GRM5: variants seen among roughly 807,000 people sequenced by gnomAD.
GRM5 encodes metabotropic glutamate receptor 5.
Under a neutral mutation model 83.1 loss-of-function variants are expected in GRM5, and 19 were observed. The ratio of observed to expected loss-of-function variants is 0.23; its 90% CI spans 0.16 to 0.34. The LOEUF (loss-of-function observed/expected upper bound fraction) is 0.34. Ranked by LOEUF, GRM5 falls within the 10% of genes least tolerant of loss-of-function variation. The pLI, the probability that GRM5 is intolerant of heterozygous loss-of-function variation, is 1.00. For missense variants in GRM5, 1,160 were observed against 1,588.3 expected (o/e 0.73, Z 4.58); for synonymous variants, 675 against 633.6 (o/e 1.07, Z -0.98).
intron 8 of GRM5, among the ~76,000 whole-genome samples, chr11:88,564,242 C>T (rs142468876): frequency 2.6e-5 from 4 of 152,268 alleles, no homozygotes; most frequent in Non-Finnish European, 4.4e-5. Context: ...TTTCTCTTTA[C>T]CCTCTTTCAG....
chr11:88,580,567 T>G lies in GRM5; in HGVS notation c.1690+10034A>C, dbSNP rs187068267. On this transcript the variant is annotated intron_variant, in intron 7 of 9. Coordinates refer to ENST00000305447, the MANE Select transcript of GRM5 (RefSeq NM_001143831.3). ...TGATCAGTGAAACTAGAAACCTTTT[T>G]TATCAGGGACAATGATAAGATAGAA... Among the ~76,000 whole-genome samples, 20 of 152,306 alleles carry G rather than the reference T, an allele frequency of 1.3e-4. No individual in the cohort carries two copies. In the East Asian group the frequency reaches 3.9e-3, roughly 29 times the overall value.
intron 9 of GRM5, 53 bp from the exon 10 acceptor site, chr11:88,509,557 G>T: frequency 7.3e-7 from 1 of 1,370,258 alleles, no homozygotes; most frequent in South Asian, 1.2e-5. Flanking sequence ...CAGGGGGCTT[G>T]GATGCCGCTT....
chr11:88,551,449 A>C (rs976775503), intron 8 of GRM5, among the ~76,000 whole-genome samples: 1 of 152,168 alleles, frequency 6.6e-6, no homozygotes, highest in Non-Finnish European at 1.5e-5. Context: ...TAGGTATAAA[A>C]TGTTGCAGAC....
At chr11:88,994,793 T>TG (rs1174939608) in intron 2 of GRM5, among the ~76,000 whole-genome samples, 7 of 151,928 alleles carry the variant, frequency 4.6e-5, no homozygotes, top group African/African-American at 1.7e-4. Context: ...CAAGGACTGG[T>TG]GGGGGTTGAA....
intron 3 of GRM5, among the ~76,000 whole-genome samples, chr11:88,755,059 T>C (rs572149916): frequency 4.6e-5 from 7 of 152,272 alleles, no homozygotes; most frequent in African/African-American, 1.7e-4. Context: ...AAATATTATA[T>C]TGAAGAACAC....
intron 3 of GRM5, among the ~76,000 whole-genome samples, chr11:88,665,270 T>C (rs1368336758): frequency 1.3e-5 from 2 of 151,936 alleles, no homozygotes; most frequent in African/African-American, 2.4e-5. Context: ...ATTAAATTAA[T>C]ATTCTGATAA....
chr11:88,738,775 T>G (rs1372296117), intron 3 of GRM5, among the ~76,000 whole-genome samples: 1 of 152,094 alleles, frequency 6.6e-6, no homozygotes, highest in Non-Finnish European at 1.5e-5. Flanking sequence ...TCATGACATT[T>G]TGTCATTGCT....
chr11:88,895,974 T>C (rs988505581), intron 2 of GRM5, among the ~76,000 whole-genome samples: 1 of 151,944 alleles, frequency 6.6e-6, no homozygotes, highest in Admixed American at 6.6e-5. Context: ...TTGAGAAAAG[T>C]AACATTAGGA....
At chr11:88,524,143 T>C (rs898646548) in intron 9 of GRM5, 1 of 151,784 alleles carries the variant, frequency 6.6e-6, no homozygotes, top group African/African-American at 2.4e-5. Flanking sequence ...AACTGTTTAA[T>C]GTCAATCTTG....
chr11:88,978,434 AC>A, intron 2 of GRM5, among the ~76,000 whole-genome samples: 1 of 142,300 alleles, frequency 7.0e-6, no homozygotes, highest in Non-Finnish European at 1.5e-5. Context: ...GTCTTGGACC[AC>A]ACATCAAATA....
In GRM5 at chr11:88,509,272, G is replaced by A; in HGVS notation, c.2959C>T (p.Pro987Ser). ...TGGAGCAGAGPGGPESPDAGP... is the reference protein window; with the variant it reads ...TGGAGCAGAGSGGPESPDAGP... Reference sequence around the variant, plus strand: ...GCGTCTGGGGACTCGGGCCCGCCTGGGCCGGCGCCTGCGCAGCCCGCACCG... The same window carrying A: ...GCGTCTGGGGACTCGGGCCCGCCTGAGCCGGCGCCTGCGCAGCCCGCACCG... The change falls in exon 10 of 10, where the codon CCA becomes TCA. Residue 987 changes from proline (P) to serine (S), a missense_variant. By Grantham distance (74) the Pro-to-Ser change is moderately conservative (BLOSUM62 -1). Transcript: ENST00000305447. The A allele has an allele frequency of 6.8e-7, 1 of 1,468,320 alleles. No individual in the cohort carries two copies. The highest frequency in any genetic ancestry group is 9.0e-7 in the Non-Finnish European group (1 of 1,114,936). The allele number at this position is 1,468,320 out of a possible 1,614,324, so 91.0% of individuals were successfully genotyped here.
intron 3 of GRM5, among the ~76,000 whole-genome samples, chr11:88,798,505 G>A (rs1465202300): frequency 6.6e-6 from 1 of 152,048 alleles, no homozygotes; most frequent in Non-Finnish European, 1.5e-5. Context: ...GGTCTTAAAT[G>A]AAAAGCTGGT....
intron 3 of GRM5, among the ~76,000 whole-genome samples, chr11:88,767,551 A>C (rs1305185658): frequency 6.6e-6 from 1 of 152,048 alleles, no homozygotes; most frequent in Non-Finnish European, 1.5e-5. Flanking sequence ...GGAGGTCATT[A>C]TCCTAAGCAA....
rs542904305 is a variant in GRM5 at position 88,727,033 on chromosome 11, A to G, written c.912-73630T>C. Among the ~76,000 whole-genome samples the G allele has an allele frequency of 2.0e-5, 3 of 152,350 alleles. No homozygotes were observed. The South Asian group carries it at 6.2e-4, about 32-fold the overall frequency. ...CATAATGACAGGATTAAGTTCACAC[A>G]TAACAATATTAGCCTTAAATGTAAA... On this transcript the variant is annotated intron_variant, in intron 3 of 9. Transcript: ENST00000305447.
At chr11:88,570,395 ATATACC>A (rs1192141587) in intron 7 of GRM5, among the ~76,000 whole-genome samples, 3 of 151,388 alleles carry the variant, frequency 2.0e-5, no homozygotes, top group African/African-American at 7.3e-5. Flanking sequence ...TTGCTAATTA[ATATACC>A]TATATCTGTA....
chr11:88,645,470 C>A (rs1032762846), intron 4 of GRM5, among the ~76,000 whole-genome samples: 1 of 151,974 alleles, frequency 6.6e-6, no homozygotes, highest in South Asian at 2.1e-4. Context: ...AATGAAAGAT[C>A]ACAATTCATG....
intron 8 of GRM5, among the ~76,000 whole-genome samples, chr11:88,566,826 C>T (rs965520652): frequency 1.3e-5 from 2 of 152,074 alleles, no homozygotes; most frequent in Non-Finnish European, 2.9e-5. Flanking sequence ...TGTAACTCTG[C>T]TTTATTAGAG....
intron 2 of GRM5, among the ~76,000 whole-genome samples, chr11:89,003,823 G>A (rs1212743522): frequency 2.6e-5 from 4 of 152,176 alleles, no homozygotes; most frequent in South Asian, 2.1e-4. Context: ...GTTTGATCCA[G>A]CCCTGTTGAG....
At chr11:88,675,762 G>A (rs12421389) in intron 3 of GRM5, among the ~76,000 whole-genome samples, 2,721 of 152,008 alleles carry the variant, frequency 0.018, 66 homozygotes, top group East Asian at 0.096. Flanking sequence ...CCTTGGACTC[G>A]TTGTCCCATG....
Sources: allele counts gnomAD v4.1 joint callset (sites outside exome capture counted in the v4.1 genomes callset), GRCh38; gene constraint gnomAD v4.1.1; transcripts MANE v1.5; gene names NCBI Gene and HGNC (gene_info 2026-07-23, HGNC 2026-07-21).